Variants in GALNTL5 observed in about 807,000 individuals in gnomAD.
The protein encoded by GALNTL5 is inactive polypeptide N-acetylgalactosaminyltransferase-like protein 5.
A neutral mutation model predicts 51.0 loss-of-function variants in GALNTL5; 44 were observed. The observed-to-expected ratio is 0.86, with a 90% CI of 0.68 to 1.11. GALNTL5 has a LOEUF of 1.11. Among genes scored for constraint, GALNTL5 ranks in the 50% least tolerant of loss-of-function variants. GALNTL5 has a pLI of 0.00. For synonymous variants in GALNTL5, 192 were observed against 182.8 expected, an observed-to-expected ratio of 1.05 and a Z score of -0.41; for missense variants, 528 against 531.8, an observed-to-expected ratio of 0.99 and a Z score of 0.07.
intron 5 of GALNTL5, among the ~76,000 whole-genome samples, chr7:152,001,741 G>A (rs908510116): frequency 2.0e-5 from 3 of 151,988 alleles, no homozygotes; most frequent in Non-Finnish European, 4.4e-5. Context: ...TGACTTTTAG[G>A]ATCAATTTCT....
intron 1 of GALNTL5, among the ~76,000 whole-genome samples, chr7:151,961,240 C>A (rs1297766212): frequency 6.6e-6 from 1 of 151,762 alleles, no homozygotes; most frequent in Non-Finnish European, 1.5e-5. Flanking sequence ...GTAATCCCAG[C>A]ACTTTGGGAT....
In GALNTL5 at chr7:151,989,437, G is replaced by C. The variant is rs527324808; in HGVS notation, c.658+2156G>C. ...CAAAGTGTTGAGATTACAAGTGTGA[G>C]CCACTGTGCTCAGCCCATATGGATT... On this transcript the variant is annotated intron_variant, in intron 5 of 8. Coordinates refer to ENST00000392800, the MANE Select transcript of GALNTL5 (RefSeq NM_145292.4). Among the ~76,000 whole-genome samples, 8 of 152,336 alleles carry C rather than the reference G, an allele frequency of 5.3e-5. No individual in the cohort carries two copies. In the South Asian group the frequency reaches 1.7e-3, roughly 32 times the overall value.
intron 3 of GALNTL5, among the ~76,000 whole-genome samples, chr7:151,981,591 C>CAT (rs1563010091): frequency 5.7e-5 from 3 of 52,206 alleles, no homozygotes; most frequent in African/African-American, 3.0e-4. Flanking sequence ...CCTTCCTTCC[C>CAT]TCCTTCCTTC....
In GALNTL5 at chr7:151,987,159, A is replaced by G; in HGVS notation, c.536A>G (p.Asp179Gly). 1.9e-6 allele frequency: 3 copies of G among 1,586,262 alleles called. No homozygotes were observed. Among genetic ancestry groups the G allele is most frequent in the Non-Finnish European group, 2.6e-6 (3 of 1,170,202 alleles). Reference protein sequence around the residue: ...IILVDDMSKVDDLKEKLDYHL... With the variant: ...IILVDDMSKVGDLKEKLDYHL... ...TCTCATGTGTTGAATATTTTTCCAG[A>G]TGATTTGAAAGAAAAACTAGACTAT... Residue 179 changes from aspartate (D) to glycine (G), a missense_variant and splice_region_variant, in exon 5 of 9, where the codon GAT (aspartate) becomes GGT (glycine). By Grantham distance (94) the Asp-to-Gly change is moderately conservative. Coordinates refer to ENST00000392800, the MANE Select transcript of GALNTL5 (RefSeq NM_145292.4).
In GALNTL5 at chr7:151,967,448, G is replaced by A; in HGVS notation, c.202G>A (p.Val68Ile). The A allele has an allele frequency of 2.5e-6, 4 of 1,613,962 alleles. No individual in the cohort carries two copies. The highest frequency in any genetic ancestry group is 2.5e-6 in the Non-Finnish European group (3 of 1,179,870). The change falls in exon 2 of 9, where the codon GTA becomes ATA. Residue 68 changes from valine (V) to isoleucine (I), a missense_variant. Val to Ile is a conservative substitution (Grantham distance 29). Coordinates refer to ENST00000392800, the MANE Select transcript of GALNTL5 (RefSeq NM_145292.4). Reference protein sequence around the residue: ...YGSEQIPKPHVIVKRTDEDKA... With the variant: ...YGSEQIPKPHIIVKRTDEDKA... ...CTCAGAGCAAATACCAAAACCTCATGTAATAGTCAAAAGGACTGATGAAGA... is the reference window on the plus strand; with the variant it reads ...CTCAGAGCAAATACCAAAACCTCATATAATAGTCAAAAGGACTGATGAAGA...
intron 8 of GALNTL5, among the ~76,000 whole-genome samples, chr7:152,015,817 C>T (rs906076755): frequency 6.6e-6 from 1 of 152,116 alleles, no homozygotes; most frequent in African/African-American, 2.4e-5. Context: ...GTGCATTTCC[C>T]CAGGAGTTAA....
At chr7:151,979,419 T>C (rs527348331) in intron 3 of GALNTL5, among the ~76,000 whole-genome samples, 31 of 149,726 alleles carry the variant, frequency 2.1e-4, no homozygotes, top group African/African-American at 6.9e-4. Context: ...CGGCCTCCTT[T>C]TACTCTTAAA....
At chr7:151,996,021 G>A (rs80100532) in intron 5 of GALNTL5, among the ~76,000 whole-genome samples, 1,963 of 152,122 alleles carry the variant, frequency 0.013, 34 homozygotes, top group African/African-American at 0.045. Context: ...AACAAAATTT[G>A]GGATATTTAA....
intron 3 of GALNTL5, among the ~76,000 whole-genome samples, chr7:151,980,301 C>T (rs561846672): frequency 2.6e-5 from 4 of 152,308 alleles, no homozygotes; most frequent in African/African-American, 9.6e-5. Flanking sequence ...CCAGGCTGCT[C>T]TCAAACCCCT....
intron 5 of GALNTL5, among the ~76,000 whole-genome samples, chr7:151,993,853 C>T (rs900537510): frequency 6.6e-5 from 10 of 152,082 alleles, no homozygotes; most frequent in African/African-American, 2.4e-4. Flanking sequence ...CTCCTGGTCT[C>T]AAGCAATATT....
intron 6 of GALNTL5, among the ~76,000 whole-genome samples, chr7:152,006,885 A>G (rs868392660): frequency 6.6e-6 from 1 of 152,012 alleles, no homozygotes; most frequent in South Asian, 2.1e-4. Flanking sequence ...CTCATGCCAC[A>G]GTGTCCTGGG....
intron 7 of GALNTL5, among the ~76,000 whole-genome samples, chr7:152,014,228 T>A (rs2081776216): frequency 6.6e-6 from 1 of 152,242 alleles, no homozygotes; most frequent in Non-Finnish European, 1.5e-5. Flanking sequence ...GTTGTGAGAA[T>A]TAAATAAGAA....
intron 7 of GALNTL5, among the ~76,000 whole-genome samples, chr7:152,009,525 C>T (rs931379304): frequency 2.0e-5 from 3 of 152,188 alleles, no homozygotes; most frequent in Non-Finnish European, 4.4e-5. Flanking sequence ...ACACAGGTGT[C>T]CCCAAGGTTT....
chr7:151,960,541 G>T (rs1188840403), intron 1 of GALNTL5: 1 of 152,252 alleles, frequency 6.6e-6, no homozygotes, highest in Admixed American at 6.5e-5. Context: ...GCAGATCTGG[G>T]GACAAACACT....
chr7:151,957,961 C>T (rs1382903023), intron 1 of GALNTL5: 1 of 152,046 alleles, frequency 6.6e-6, no homozygotes. Context: ...ACAGAGAAAA[C>T]ATAATATAAG....
intron 3 of GALNTL5, 135 bp from the exon 4 acceptor site, chr7:151,982,851 A>G (rs773236177): frequency 1.9e-6 from 3 of 1,562,960 alleles, no homozygotes; most frequent in Non-Finnish European, 2.6e-6. Context: ...ATGTACTGTC[A>G]CCTTATTACC....
chr7:152,009,763 A>AG (rs1391044231), intron 7 of GALNTL5, among the ~76,000 whole-genome samples: 1 of 152,230 alleles, frequency 6.6e-6, no homozygotes, highest in Non-Finnish European at 1.5e-5. Context: ...CTAAGGGAAT[A>AG]GCACTTGGCA....
intron 8 of GALNTL5, among the ~76,000 whole-genome samples, chr7:152,019,171 A>T (rs35995263): frequency 6.6e-6 from 1 of 152,138 alleles, no homozygotes; most frequent in Non-Finnish European, 1.5e-5. Context: ...TCGCAAGGGG[A>T]AGACTTGCCT....
At chr7:151,975,723 C>T (rs754932951) in intron 3 of GALNTL5, among the ~76,000 whole-genome samples, 3 of 152,066 alleles carry the variant, frequency 2.0e-5, no homozygotes, top group Non-Finnish European at 4.4e-5. Context: ...AAACTTAGTA[C>T]TGCTTTTGCT....
Sources: allele counts gnomAD v4.1 joint callset (sites outside exome capture counted in the v4.1 genomes callset), GRCh38; gene constraint gnomAD v4.1.1; transcripts MANE v1.5; gene names NCBI Gene and HGNC (gene_info 2026-07-23, HGNC 2026-07-21).